The following WDR70 variants were observed in gnomAD, a reference collection of about 807,000 sequenced individuals.
WDR70 encodes the protein WD repeat domain 70, also known as WD repeat-containing protein 70.
A neutral mutation model predicts 88.6 loss-of-function variants in WDR70; 53 were observed. That is an observed-to-expected ratio of 0.60 (90% CI 0.48 to 0.75). The LOEUF is 0.75. Among genes scored for constraint, WDR70 ranks in the 30% least tolerant of loss-of-function variants. The probability of loss-of-function intolerance (pLI) is 0.00; values close to 1 mark genes in which losing one functional copy is unlikely to be tolerated. For synonymous variants in WDR70, 280 were observed against 270.0 expected (o/e 1.04, Z -0.36); for missense variants, 610 against 823.2 (o/e 0.74, Z 3.17).
chr5:37,599,285 G>C (rs949654163), intron 9 of WDR70, among the ~76,000 whole-genome samples: 1 of 152,152 alleles, frequency 6.6e-6, no homozygotes, highest in African/African-American at 2.4e-5. Flanking sequence ...TTTTATACAT[G>C]TACACAGTAA....
intron 3 of WDR70, among the ~76,000 whole-genome samples, chr5:37,383,144 A>C (rs1748486191): frequency 6.6e-6 from 1 of 152,236 alleles, no homozygotes; most frequent in African/African-American, 2.4e-5. Flanking sequence ...GTTGTACAGC[A>C]GCAATATCCA....
intron 10 of WDR70, among the ~76,000 whole-genome samples, chr5:37,613,601 C>T (rs1744247907): frequency 6.6e-6 from 1 of 152,074 alleles, no homozygotes; most frequent in Non-Finnish European, 1.5e-5. Context: ...ATAAAGAGAC[C>T]CTATATTCCA....
At chr5:37,522,780 C>T (rs1581362810) in intron 9 of WDR70, among the ~76,000 whole-genome samples, 1 of 152,324 alleles carries the variant, frequency 6.6e-6, no homozygotes, top group South Asian at 2.1e-4. Context: ...TCACTCCCAC[C>T]CTAATACTGT....
At chr5:37,518,200 C>T (rs925333248) in intron 9 of WDR70, among the ~76,000 whole-genome samples, 1 of 152,102 alleles carries the variant, frequency 6.6e-6, no homozygotes, top group Non-Finnish European at 1.5e-5. Flanking sequence ...TAGACATGAG[C>T]CACTGCGCCC....
At chr5:37,561,326 AC>A (rs1479427381) in intron 9 of WDR70, among the ~76,000 whole-genome samples, 1 of 152,182 alleles carries the variant, frequency 6.6e-6, no homozygotes, top group Admixed American at 6.5e-5. Flanking sequence ...AATATAGAAA[AC>A]CGAGGGATAA....
chr5:37,715,217 C>T (rs1747621021), intron 13 of WDR70, among the ~76,000 whole-genome samples: 1 of 151,852 alleles, frequency 6.6e-6, no homozygotes. Flanking sequence ...GGTTTTTCTG[C>T]AGCAGCCCCC....
chr5:37,389,682 G>A (rs1212277145), intron 3 of WDR70, among the ~76,000 whole-genome samples: 1 of 152,090 alleles, frequency 6.6e-6, no homozygotes, highest in Admixed American at 6.6e-5. Context: ...AAAGTGCTGG[G>A]ATTACAGGCG....
At chr5:37,418,645 T>C (rs373857604) in intron 5 of WDR70, among the ~76,000 whole-genome samples, 248 of 152,382 alleles carry the variant, frequency 1.6e-3, no homozygotes, top group African/African-American at 5.8e-3. Flanking sequence ...ATATACCTTC[T>C]TCTATATTCA....
intron 17 of WDR70, among the ~76,000 whole-genome samples, chr5:37,731,102 G>A (rs1278368986): frequency 6.6e-6 from 1 of 152,098 alleles, no homozygotes; most frequent in East Asian, 1.9e-4. Flanking sequence ...CCTGGTCAGG[G>A]CCATGGCAAC....
intron 10 of WDR70, among the ~76,000 whole-genome samples, chr5:37,687,670 T>C (rs1345179744): frequency 7.9e-5 from 12 of 152,144 alleles, no homozygotes. Context: ...AAATCACCTG[T>C]AGTCAAAATC....
At chr5:37,492,149 A>G (rs557670553) in intron 8 of WDR70, among the ~76,000 whole-genome samples, 34 of 152,186 alleles carry the variant, frequency 2.2e-4, no homozygotes, top group Non-Finnish European at 4.9e-4. Context: ...CTAGCCTCAA[A>G]AGACAAAGCT....
Position 37,487,622 on chromosome 5 carries a change from TATG to T in WDR70, c.840+7636_840+7638del, listed in dbSNP as rs1561871987. Among the ~76,000 whole-genome samples, 17 of 25,786 alleles carry T rather than the reference TATG, an allele frequency of 6.6e-4. No individual in the cohort carries two copies. In the East Asian group the frequency reaches 7.5e-3, roughly 11 times the overall value. 16.9% of individuals were successfully genotyped at this position (25,786 alleles called of 152,430 possible). ...ATAAATATATATATATATATATATA[TATG>T]TATTTTTTTTTTTTTTTTTGAGAGG... On this transcript the variant is annotated intron_variant, in intron 8 of 17. Transcript: ENST00000265107.
At chr5:37,683,676 T>A (rs1415185210) in intron 10 of WDR70, among the ~76,000 whole-genome samples, 1 of 152,228 alleles carries the variant, frequency 6.6e-6, no homozygotes, top group Non-Finnish European at 1.5e-5. Flanking sequence ...GCTCCCAGTC[T>A]CTTCTGGCTT....
chr5:37,410,447 A>C (rs1470480884), intron 5 of WDR70, among the ~76,000 whole-genome samples: 2 of 151,950 alleles, frequency 1.3e-5, no homozygotes, highest in Non-Finnish European at 2.9e-5. Context: ...GACCATTTGA[A>C]ATATAATTTC....
chr5:37,380,463 C>G (rs758967754), intron 2 of WDR70, among the ~76,000 whole-genome samples: 1 of 151,894 alleles, frequency 6.6e-6, no homozygotes, highest in Non-Finnish European at 1.5e-5. Flanking sequence ...CTCAGCCTCC[C>G]GAGTAGCTGG....
intron 5 of WDR70, among the ~76,000 whole-genome samples, chr5:37,406,262 C>T (rs532211748): frequency 6.6e-6 from 1 of 152,318 alleles, no homozygotes; most frequent in Admixed American, 6.5e-5. Context: ...CTTACTAGCT[C>T]TGTCTTGAAG....
chr5:37,605,376 G>T, intron 10 of WDR70, 138 bp downstream of exon 10: 1 of 828,396 alleles, frequency 1.2e-6, no homozygotes. Flanking sequence ...TCAGTGTTAG[G>T]TGATCAAACG....
chr5:37,501,312 C>A (rs1740399388), intron 8 of WDR70, among the ~76,000 whole-genome samples: 1 of 152,094 alleles, frequency 6.6e-6, no homozygotes, highest in African/African-American at 2.4e-5. Context: ...GAGTCTTAGT[C>A]ATAAATTCTT....
chr5:37,591,595 G>C (rs1743532969), intron 9 of WDR70, among the ~76,000 whole-genome samples: 1 of 152,138 alleles, frequency 6.6e-6, no homozygotes, highest in South Asian at 2.1e-4. Context: ...TGGCTTCACT[G>C]TTGAATTCTA....
Sources: gnomAD v4.1 joint callset for allele counts (sites outside exome capture counted in the v4.1 genomes callset) on GRCh38, gnomAD v4.1.1 for gene constraint, MANE v1.5 for transcripts, NCBI Gene and HGNC (gene_info 2026-07-23, HGNC 2026-07-21) for gene names.